TNR: variants seen among roughly 807,000 people sequenced by gnomAD.
The protein encoded by TNR is tenascin-R.
In TNR, 45 loss-of-function variants were observed where a neutral mutation model predicts 150.4. That is an observed-to-expected ratio of 0.30 (90% confidence interval 0.24 to 0.38). TNR has a LOEUF of 0.38. TNR is among the 10% of genes least tolerant of loss of function. TNR has a pLI of 1.00. For missense variants in TNR, 1,544 were observed against 1,759.1 expected, an observed-to-expected ratio of 0.88 and a Z score of 2.19; for synonymous variants, 687 against 678.4, an observed-to-expected ratio of 1.01 and a Z score of -0.20.
chr1:175,627,195 G>A (rs1211679619), intron 1 of TNR, among the ~76,000 whole-genome samples: 1 of 152,192 alleles, frequency 6.6e-6, no homozygotes, highest in Non-Finnish European at 1.5e-5. Flanking sequence ...ACTTGTGATT[G>A]ACATGGCAAG....
In TNR at chr1:175,378,302, C is replaced by CTTCATTCA. The variant is rs71299425; in HGVS notation, c.1963+1242_1963+1249dup. On this transcript the variant is annotated intron_variant, in intron 9 of 22. Coordinates refer to ENST00000367674, the MANE Select transcript of TNR (RefSeq NM_003285.3). ...CCCAAGTCATAGTGAACTTCTGCAGCTTCATTCATTCATTCATTCATTCAT... is the reference window on the plus strand; with the variant it reads ...CCCAAGTCATAGTGAACTTCTGCAGCTTCATTCATTCATTCATTCATTCATTCATTCAT... Among the ~76,000 whole-genome samples, 606 of 151,220 alleles carry CTTCATTCA rather than the reference C, an allele frequency of 4.0e-3. 2 individuals are homozygous for CTTCATTCA. Among genetic ancestry groups the CTTCATTCA allele is most frequent in the African/African-American group, 0.012 (473 of 41,126 alleles).
At chr1:175,500,874 A>G (rs1490082539) in intron 2 of TNR, among the ~76,000 whole-genome samples, 1 of 152,164 alleles carries the variant, frequency 6.6e-6, no homozygotes, top group Non-Finnish European at 1.5e-5. Flanking sequence ...CGGCAAAGAA[A>G]TAGCCATCCA....
chr1:175,619,820 A>G (rs1194449680), intron 1 of TNR, among the ~76,000 whole-genome samples: 1 of 152,250 alleles, frequency 6.6e-6, no homozygotes, highest in Non-Finnish European at 1.5e-5. Flanking sequence ...CATAATACAT[A>G]CAGCCAATCA....
chr1:175,405,481 A>T (rs1270496051), intron 3 of TNR, among the ~76,000 whole-genome samples: 1 of 152,136 alleles, frequency 6.6e-6, no homozygotes, highest in East Asian at 1.9e-4. Flanking sequence ...AAGGGTTACT[A>T]ATTAGGGGGT....
intron 1 of TNR, among the ~76,000 whole-genome samples, chr1:175,708,140 T>A (rs781253150): frequency 6.6e-5 from 10 of 152,086 alleles, no homozygotes; most frequent in Non-Finnish European, 1.5e-4. Flanking sequence ...TTACTTGCCA[T>A]TTACAGAGAG....
chr1:175,493,376 G>A (rs1658342511), intron 2 of TNR, among the ~76,000 whole-genome samples: 1 of 152,112 alleles, frequency 6.6e-6, no homozygotes, highest in African/African-American at 2.4e-5. Context: ...AGACTTTCCC[G>A]GGCCATCTCC....
In TNR at chr1:175,649,102, G is replaced by T. The variant is rs575489940; in HGVS notation, c.-165+94124C>A. 7.2e-5 allele frequency among the ~76,000 whole-genome samples: 11 copies of T among 152,310 alleles called. No homozygotes were observed. The South Asian group carries it at 2.3e-3, about 32-fold the overall frequency. ...TCCCTGCTTGGAGCTGTCCATGGCTGCCCACAGCATGAGGACCAATTCGGC... is the reference window on the plus strand; with the variant it reads ...TCCCTGCTTGGAGCTGTCCATGGCTTCCCACAGCATGAGGACCAATTCGGC... On this transcript the variant is annotated intron_variant, in intron 1 of 22. Transcript: ENST00000367674.
chr1:175,737,767 T>C (rs1667811302), intron 1 of TNR, among the ~76,000 whole-genome samples: 1 of 152,150 alleles, frequency 6.6e-6, no homozygotes, highest in South Asian at 2.1e-4. Flanking sequence ...CAAGTTGGGG[T>C]GCCCTTGGCA....
At chr1:175,531,355 CCTTAT>C (rs1241261208) in intron 1 of TNR, among the ~76,000 whole-genome samples, 1 of 152,170 alleles carries the variant, frequency 6.6e-6, no homozygotes, top group Non-Finnish European at 1.5e-5. Context: ...CACACAAAGG[CCTTAT>C]CTTAAGATAG....
At chr1:175,585,241 C>T (rs1662520592) in intron 1 of TNR, among the ~76,000 whole-genome samples, 1 of 152,092 alleles carries the variant, frequency 6.6e-6, no homozygotes, top group Admixed American at 6.5e-5. Context: ...AATAATTTGC[C>T]TAAGGTCATA....
chr1:175,714,761 G>C, intron 1 of TNR, among the ~76,000 whole-genome samples: 1 of 152,172 alleles, frequency 6.6e-6, no homozygotes, highest in Non-Finnish European at 1.5e-5. Context: ...CCTGAGCCAG[G>C]AGCCAATAAG....
At chr1:175,625,009 A>G (rs1199995613) in intron 1 of TNR, among the ~76,000 whole-genome samples, 1 of 152,214 alleles carries the variant, frequency 6.6e-6, no homozygotes, top group Non-Finnish European at 1.5e-5. Context: ...TTGCACCTCT[A>G]GGGCCTCATC....
chr1:175,526,011 G>GTT (rs35322034), intron 2 of TNR, among the ~76,000 whole-genome samples: 1,707 of 147,292 alleles, frequency 0.012, 36 homozygotes, highest in African/African-American at 0.037. Flanking sequence ...ACTTTTGCTG[G>GTT]TTTTTTTTTT....
intron 1 of TNR, among the ~76,000 whole-genome samples, chr1:175,733,247 TCA>T (rs1308950605): frequency 6.6e-6 from 1 of 152,246 alleles, no homozygotes; most frequent in African/African-American, 2.4e-5. Context: ...TTTCCCACTG[TCA>T]CAGAGTTAGT....
At position 175,607,299 on chromosome 1, in the gene TNR, T is replaced by C. The variant is rs117087738; in HGVS notation, c.-164-78930A>G. On this transcript the variant is annotated intron_variant, in intron 1 of 22. Coordinates refer to ENST00000367674, the MANE Select transcript of TNR (RefSeq NM_003285.3). ...GACATTTCATGCCAGATGAAGGTTC[T>C]CTCCTTTAATTCATAGAAGCCCAAA... is the stretch of plus-strand genomic sequence containing the variant. Among the ~76,000 whole-genome samples, 203 of 152,278 alleles carry C rather than the reference T, an allele frequency of 1.3e-3. No individual in the cohort carries two copies. In the East Asian group the frequency reaches 0.031, roughly 23 times the overall value.
intron 2 of TNR, among the ~76,000 whole-genome samples, chr1:175,418,385 G>A (rs1654599236): frequency 6.6e-6 from 1 of 152,194 alleles, no homozygotes; most frequent in African/African-American, 2.4e-5. Flanking sequence ...CTTTTGAGCT[G>A]GGTCTTGAAG....
chr1:175,640,623 T>C (rs1664626252), intron 1 of TNR, among the ~76,000 whole-genome samples: 1 of 152,162 alleles, frequency 6.6e-6, no homozygotes, highest in South Asian at 2.1e-4. Flanking sequence ...CATTCCCTTA[T>C]ATCTCCTTGG....
chr1:175,687,899 A>G lies in TNR; in HGVS notation c.-165+55327T>C, dbSNP rs575348406. ...CCAGAATACGCTCCAATCTTCCAGC[A>G]AGCTGGGCGTGAATACACCAGCCAT... On this transcript the variant is annotated intron_variant, in intron 1 of 22. Coordinates refer to ENST00000367674, the MANE Select transcript of TNR (RefSeq NM_003285.3). Among the ~76,000 whole-genome samples, 37 of 151,582 alleles carry G rather than the reference A, an allele frequency of 2.4e-4. 1 individual carries two copies. The East Asian group carries it at 6.8e-3, about 28-fold the overall frequency.
intron 1 of TNR, among the ~76,000 whole-genome samples, chr1:175,650,092 C>T (rs1323589590): frequency 6.6e-6 from 1 of 152,100 alleles, no homozygotes; most frequent in Non-Finnish European, 1.5e-5. Flanking sequence ...AGGGATTTTT[C>T]AAAATTTGTG....
Sources: allele counts gnomAD v4.1 joint callset (sites outside exome capture counted in the v4.1 genomes callset), GRCh38; gene constraint gnomAD v4.1.1; transcripts MANE v1.5; gene names NCBI Gene and HGNC (gene_info 2026-07-23, HGNC 2026-07-21).